The following NCKAP5 variants were observed in gnomAD, a reference collection of about 807,000 sequenced individuals.
NCKAP5 encodes NCK associated protein 5.
In NCKAP5, 92 loss-of-function variants were observed where a neutral mutation model predicts 167.0. That is an observed-to-expected ratio of 0.55 (90% CI 0.47 to 0.66). The LOEUF (loss-of-function observed/expected upper bound fraction) is 0.66, where lower values mean the gene tolerates loss of function less well. Among genes scored for constraint, NCKAP5 ranks in the 30% least tolerant of loss-of-function variants. NCKAP5 has a pLI of 0.00. For missense variants in NCKAP5, 2,378 were observed against 2,315.0 expected (o/e 1.03, Z -0.56); for synonymous variants, 891 against 877.4 (o/e 1.02, Z -0.27).
At chr2:133,622,812 C>A in the NCKAP5 span, among the ~76,000 whole-genome samples, 1 of 152,004 alleles carries the variant, frequency 6.6e-6, no homozygotes, top group Non-Finnish European at 1.5e-5. Context: ...TCCTAATATT[C>A]ATATGGAATC....
At chr2:132,760,603 A>AT (rs1558732960) in intron 16 of NCKAP5, among the ~76,000 whole-genome samples, 1 of 151,948 alleles carries the variant, frequency 6.6e-6, no homozygotes, top group Non-Finnish European at 1.5e-5. Flanking sequence ...CTAATGAGTC[A>AT]TTTTTTCCCC....
chr2:132,769,274 C>T (rs1412160718), intron 16 of NCKAP5, among the ~76,000 whole-genome samples: 1 of 152,106 alleles, frequency 6.6e-6, no homozygotes, highest in Non-Finnish European at 1.5e-5. Context: ...CTCTTGTAAT[C>T]AACTCATAAC....
chr2:133,070,780 T>C (rs1004604829), intron 6 of NCKAP5, among the ~76,000 whole-genome samples: 2 of 152,086 alleles, frequency 1.3e-5, no homozygotes, highest in Non-Finnish European at 2.9e-5. Context: ...TCCTCCTATA[T>C]AGAGGCAGAA....
chr2:132,978,260 G>A (rs1176572353), intron 7 of NCKAP5, among the ~76,000 whole-genome samples: 5 of 152,064 alleles, frequency 3.3e-5, no homozygotes, highest in East Asian at 1.9e-4. Context: ...TGGCTCTCCC[G>A]GAAAAGCTCT....
At chr2:133,628,640 T>C in the NCKAP5 span, among the ~76,000 whole-genome samples, 1 of 152,120 alleles carries the variant, frequency 6.6e-6, no homozygotes, top group Admixed American at 6.5e-5. Flanking sequence ...AAAAACTATT[T>C]TAACATTCAC....
intron 7 of NCKAP5, among the ~76,000 whole-genome samples, chr2:132,970,214 A>T (rs2076792039): frequency 6.6e-6 from 1 of 152,146 alleles, no homozygotes; most frequent in Non-Finnish European, 1.5e-5. Context: ...AAAATAAATA[A>T]CTTATTTTAA....
At chr2:132,814,845 C>T (rs545622326) in intron 11 of NCKAP5, among the ~76,000 whole-genome samples, 65 of 152,308 alleles carry the variant, frequency 4.3e-4, no homozygotes, top group African/African-American at 1.5e-3. Flanking sequence ...TTCCCCAAGA[C>T]ATAAAACAAT....
the NCKAP5 span, among the ~76,000 whole-genome samples, chr2:133,619,398 A>G: frequency 6.6e-5 from 10 of 152,044 alleles, no homozygotes; most frequent in Admixed American, 3.3e-4. Context: ...ATAAAAAACA[A>G]TCACAACTTC....
chr2:133,347,421 C>T (rs1684053621), intron 3 of NCKAP5, among the ~76,000 whole-genome samples: 1 of 152,026 alleles, frequency 6.6e-6, no homozygotes, highest in Admixed American at 6.5e-5. Context: ...GGCATGGTGG[C>T]ACATTCCTTT....
chr2:132,813,719 A>C (rs924860694), intron 11 of NCKAP5, among the ~76,000 whole-genome samples: 1 of 152,144 alleles, frequency 6.6e-6, no homozygotes, highest in African/African-American at 2.4e-5. Flanking sequence ...AACTATTATC[A>C]CTTAACTTTG....
the NCKAP5 span, among the ~76,000 whole-genome samples, chr2:133,584,468 A>T: frequency 7.2e-5 from 11 of 152,038 alleles, no homozygotes; most frequent in Non-Finnish European, 1.6e-4. Context: ...ACTTTTTTTT[A>T]AAAAATGAGG....
At chr2:132,728,634 A>T (rs1172236248) in intron 18 of NCKAP5, among the ~76,000 whole-genome samples, 182 bp downstream of exon 18, 1 of 152,170 alleles carries the variant, frequency 6.6e-6, no homozygotes, top group African/African-American at 2.4e-5. Context: ...GTGTCCCAAG[A>T]ACCCACAGTA....
At chr2:133,466,331 A>C (rs1179220172) in intron 3 of NCKAP5, among the ~76,000 whole-genome samples, 2 of 148,572 alleles carry the variant, frequency 1.3e-5, no homozygotes, top group African/African-American at 2.5e-5. Context: ...GATATGCGGC[A>C]TTATTTCTGA....
At chr2:132,835,427 C>T (rs1265537665) in intron 11 of NCKAP5, among the ~76,000 whole-genome samples, 1 of 152,170 alleles carries the variant, frequency 6.6e-6, no homozygotes, top group Non-Finnish European at 1.5e-5. Context: ...TTCCTGCCTT[C>T]TCCTGAGATG....
At chr2:133,181,392 A>G (rs1307104756) in intron 5 of NCKAP5, among the ~76,000 whole-genome samples, 1 of 152,144 alleles carries the variant, frequency 6.6e-6, no homozygotes, top group Non-Finnish European at 1.5e-5. Context: ...ATGCAAGGAA[A>G]AAAAGCACAG....
At chr2:133,566,627 T>A (rs780305386) in intron 1 of NCKAP5, among the ~76,000 whole-genome samples, 19 of 152,178 alleles carry the variant, frequency 1.2e-4, no homozygotes, top group Non-Finnish European at 2.4e-4. Context: ...TCTTTTTCAA[T>A]ATTTAAGAAC....
chr2:133,455,236 A>C (rs189358516), intron 3 of NCKAP5, among the ~76,000 whole-genome samples: 1 of 152,246 alleles, frequency 6.6e-6, no homozygotes, highest in Admixed American at 6.5e-5. Flanking sequence ...TTTTTTGTAA[A>C]GCCTAAAATG....
At chr2:133,423,150 C>T (rs970525931) in intron 3 of NCKAP5, among the ~76,000 whole-genome samples, 8 of 152,178 alleles carry the variant, frequency 5.3e-5, no homozygotes, top group East Asian at 1.9e-4. Context: ...GTTTCCAAGA[C>T]GAACATTTAC....
intron 3 of NCKAP5, among the ~76,000 whole-genome samples, chr2:133,373,447 A>G (rs1401346614): frequency 6.6e-6 from 1 of 152,258 alleles, no homozygotes; most frequent in African/African-American, 2.4e-5. Context: ...TTCCATGTTT[A>G]TGGATAGAAA....
Sources: gnomAD v4.1 joint callset for allele counts (sites outside exome capture counted in the v4.1 genomes callset) on GRCh38, gnomAD v4.1.1 for gene constraint, MANE v1.5 for transcripts, NCBI Gene and HGNC (gene_info 2026-07-23, HGNC 2026-07-21) for gene names.